The following CUX1 variants were observed in gnomAD, a reference collection of about 807,000 sequenced individuals.
CUX1 encodes protein CASP.
A neutral mutation model predicts 158.8 loss-of-function variants in CUX1; 31 were observed. The observed-to-expected ratio is 0.20, with a 90% confidence interval of 0.15 to 0.26. The LOEUF (loss-of-function observed/expected upper bound fraction) is 0.26, where lower values mean the gene tolerates loss of function less well. Ranked by LOEUF, CUX1 falls within the 10% of genes least tolerant of loss-of-function variation. The probability of loss-of-function intolerance (pLI) is 1.00; values close to 1 mark genes in which losing one functional copy is unlikely to be tolerated. For synonymous variants in CUX1, 879 were observed against 862.1 expected, an observed-to-expected ratio of 1.02 and a Z score of -0.34; for missense variants, 1,589 against 2,014.6, an observed-to-expected ratio of 0.79 and a Z score of 4.04.
At chr7:101,833,860 AT>A (rs751224434) in intron 1 of CUX1, among the ~76,000 whole-genome samples, 6 of 152,086 alleles carry the variant, frequency 3.9e-5, no homozygotes, top group East Asian at 3.9e-4. Flanking sequence ...CTTCACTGCA[AT>A]TTTCCCCCCC....
At chr7:101,999,218 T>C (rs1410223915) in intron 2 of CUX1, among the ~76,000 whole-genome samples, 2 of 16,246 alleles carry the variant, frequency 1.2e-4, no homozygotes, top group African/African-American at 5.9e-4. Context: ...TTTTTTTACC[T>C]TTTTTTTTTT....
chr7:102,046,902 G>T (rs915764703), intron 3 of CUX1, among the ~76,000 whole-genome samples: 1 of 152,100 alleles, frequency 6.6e-6, no homozygotes, highest in Non-Finnish European at 1.5e-5. Context: ...TTGACAGCTT[G>T]CGAAGTGCAT....
intron 1 of CUX1, among the ~76,000 whole-genome samples, chr7:101,870,445 A>G (rs568874955): frequency 6.3e-4 from 96 of 152,256 alleles, no homozygotes; most frequent in Non-Finnish European, 1.1e-3. Context: ...TACCGGGATT[A>G]CAGGCATGAG....
At chr7:102,093,920 C>T (rs782757634) in intron 4 of CUX1, among the ~76,000 whole-genome samples, 8 of 152,150 alleles carry the variant, frequency 5.3e-5, no homozygotes, top group Non-Finnish European at 8.8e-5. Context: ...GTGTCCTCTT[C>T]GCCTCCTCCA....
At chr7:101,832,825 G>A (rs1794206427) in intron 1 of CUX1, among the ~76,000 whole-genome samples, 1 of 152,132 alleles carries the variant, frequency 6.6e-6, no homozygotes. Flanking sequence ...GGCTGCACAG[G>A]GGGTCAGCTG....
intron 2 of CUX1, among the ~76,000 whole-genome samples, chr7:102,002,934 C>T (rs957530956): frequency 5.3e-5 from 8 of 151,998 alleles, no homozygotes; most frequent in Admixed American, 5.2e-4. Flanking sequence ...TGGAGTCTTG[C>T]TCTGTCACCC....
chr7:101,881,650 G>A (rs1204245846), intron 1 of CUX1, among the ~76,000 whole-genome samples: 1 of 152,148 alleles, frequency 6.6e-6, no homozygotes, highest in Non-Finnish European at 1.5e-5. Flanking sequence ...CCACCGATTT[G>A]TCAAGAACTT....
intron 4 of CUX1, among the ~76,000 whole-genome samples, chr7:102,075,128 G>C (rs753109116): frequency 3.3e-5 from 5 of 152,144 alleles, no homozygotes; most frequent in Admixed American, 6.6e-5. Flanking sequence ...AAAAGTGCTG[G>C]GATTACAGGC....
chr7:102,239,277 C>G lies in CUX1; in HGVS notation c.3623-43C>G, dbSNP rs782765370. Reference sequence around the variant, plus strand: ...CGGGACTGGGGATTTGGGCTGCTGTCCCAGCTGGGCCTGACCTTAGTCTGC... The same window carrying G: ...CGGGACTGGGGATTTGGGCTGCTGTGCCAGCTGGGCCTGACCTTAGTCTGC... On this transcript the variant is annotated intron_variant, in intron 22 of 23. Coordinates refer to ENST00000292535, the MANE Select transcript of CUX1 (RefSeq NM_181552.4). 1.9e-6 allele frequency: 3 copies of G among 1,565,006 alleles called. No individual in the cohort carries two copies. In the Admixed American group the frequency reaches 5.4e-5, roughly 28 times the overall value.
intron 1 of CUX1, among the ~76,000 whole-genome samples, chr7:101,829,930 GT>G: frequency 6.6e-6 from 1 of 152,222 alleles, no homozygotes. Context: ...AAGCAAGTTT[GT>G]TGGGACAGTT....
intron 2 of CUX1, among the ~76,000 whole-genome samples, chr7:101,978,679 C>T (rs535182277): frequency 6.6e-5 from 10 of 152,368 alleles, no homozygotes; most frequent in East Asian, 5.8e-4. Context: ...GGCTGGGCCA[C>T]GGCCCCTCTA....
At chr7:102,071,383 A>G (rs1219609085) in intron 4 of CUX1, among the ~76,000 whole-genome samples, 1 of 151,742 alleles carries the variant, frequency 6.6e-6, no homozygotes, top group African/African-American at 2.4e-5. Flanking sequence ...AGTGCCTTGA[A>G]CTCTCTGGTC....
chr7:102,218,722 CCATGT>C lies in CUX1; in HGVS notation c.3131-8641_3131-8637del, dbSNP rs1797487394. ...ATCAAGAGAGAAAGAATTTTGGCTC[CCATGT>C]CATTATAAGAGTTTCTCGGGCAAAC... On this transcript the variant is annotated intron_variant, in intron 20 of 23. Coordinates refer to ENST00000292535, the MANE Select transcript of CUX1 (RefSeq NM_181552.4). 2.0e-5 allele frequency among the ~76,000 whole-genome samples: 3 copies of C among 151,744 alleles called. No homozygotes were observed. In the South Asian group the frequency reaches 6.3e-4, roughly 32 times the overall value.
intron 2 of CUX1, among the ~76,000 whole-genome samples, chr7:101,979,755 T>G (rs1167538034): frequency 6.6e-6 from 1 of 152,144 alleles, no homozygotes; most frequent in Non-Finnish European, 1.5e-5. Context: ...GTTCAAGCAA[T>G]TCTCATGCCT....
chr7:102,047,783 AACTCAAT>A (rs1167315057), intron 3 of CUX1, among the ~76,000 whole-genome samples: 27 of 152,074 alleles, frequency 1.8e-4, no homozygotes, highest in Admixed American at 3.9e-4. Flanking sequence ...CCCTTGGAAA[AACTCAAT>A]ATGGATGTTA....
intron 14 of CUX1, chr7:102,273,234 G>A (rs946935933): frequency 1.6e-6 from 2 of 1,258,538 alleles, no homozygotes; most frequent in Non-Finnish European, 2.2e-6. Context: ...GAGTTGGGAG[G>A]GAATAGCCAG....
chr7:101,955,534 G>A (rs942471457), intron 2 of CUX1, among the ~76,000 whole-genome samples: 4 of 152,118 alleles, frequency 2.6e-5, no homozygotes, highest in African/African-American at 9.7e-5. Context: ...CCTGACCTCC[G>A]CACCTACCCA....
At chr7:101,934,306 G>A (rs563955719) in intron 2 of CUX1, among the ~76,000 whole-genome samples, 20 of 152,284 alleles carry the variant, frequency 1.3e-4, no homozygotes, top group African/African-American at 4.1e-4. Context: ...TTTAGAGATA[G>A]CATAGTCGAT....
intron 2 of CUX1, among the ~76,000 whole-genome samples, chr7:102,008,556 G>A (rs1322035195): frequency 3.9e-5 from 6 of 152,082 alleles, no homozygotes; most frequent in Non-Finnish European, 7.3e-5. Context: ...TGCAGAGTGC[G>A]TGTCTGTCCT....
Sources: gnomAD v4.1 joint callset for allele counts (sites outside exome capture counted in the v4.1 genomes callset) on GRCh38, gnomAD v4.1.1 for gene constraint, MANE v1.5 for transcripts, NCBI Gene and HGNC (gene_info 2026-07-23, HGNC 2026-07-21) for gene names.